Variants in RAB30 observed in about 807,000 individuals in gnomAD.
The protein encoded by RAB30 is RAB30, member RAS oncogene family, also known as ras-related protein Rab-30.
In RAB30, 9 loss-of-function variants were observed where a neutral mutation model predicts 25.1. The ratio of observed to expected loss-of-function variants is 0.36; its 90% CI spans 0.22 to 0.63. RAB30 has a LOEUF of 0.63. Ranked by LOEUF, RAB30 falls within the 20% of genes least tolerant of loss-of-function variation. The pLI, the probability that RAB30 is intolerant of heterozygous loss-of-function variation, is 0.69. For missense variants in RAB30, 140 were observed against 243.5 expected, an observed-to-expected ratio of 0.58 and a Z score of 2.83; for synonymous variants, 77 against 86.4, an observed-to-expected ratio of 0.89 and a Z score of 0.60.
chr11:83,031,360 T>C (rs915386096), intron 1 of RAB30, among the ~76,000 whole-genome samples: 9 of 152,212 alleles, frequency 5.9e-5, no homozygotes, highest in Non-Finnish European at 8.8e-5. Flanking sequence ...TCTGACAGAA[T>C]GTTCTACATT....
chr11:83,035,323 G>A (rs1079338), intron 1 of RAB30: 22,900 of 152,044 alleles, frequency 0.15, 1,822 homozygotes, highest in Middle Eastern at 0.23. Context: ...GCATATTCCA[G>A]ACTTGCCTTT....
At chr11:83,023,520 C>T (rs955727636) in intron 1 of RAB30, among the ~76,000 whole-genome samples, 2 of 152,184 alleles carry the variant, frequency 1.3e-5, no homozygotes, top group African/African-American at 4.8e-5. Flanking sequence ...ACTCGTGCTA[C>T]TGCCGTGGGT....
At position 82,979,780 on chromosome 11, in the gene RAB30, G is replaced by C. The variant is rs1255172714; in HGVS notation, c.*2385C>G. 2 of 152,206 alleles carry C rather than the reference G, an allele frequency of 1.3e-5. No homozygotes were observed. Among genetic ancestry groups the C allele is most frequent in the Non-Finnish European group, 2.9e-5 (2 of 68,070 alleles). 9.4% of individuals were successfully genotyped at this position (152,206 alleles called of 1,614,324 possible). Reference sequence around the variant, plus strand: ...CATTCTCATGTGTTCCTGCTGATGGGCTGTGGATGGGTAAGTTATGGAAAG... The same window carrying C: ...CATTCTCATGTGTTCCTGCTGATGGCCTGTGGATGGGTAAGTTATGGAAAG... On this transcript the variant is annotated 3_prime_UTR_variant, in exon 5 of 5. Coordinates refer to ENST00000527633, the MANE Select transcript of RAB30 (RefSeq NM_001286060.2).
At chr11:83,014,780 AAG>A (rs1034431612) in intron 1 of RAB30, among the ~76,000 whole-genome samples, 13 of 151,778 alleles carry the variant, frequency 8.6e-5, no homozygotes, top group African/African-American at 2.7e-4. Flanking sequence ...AAGAGAAAGA[AAG>A]AAAGAGAAGG....
At chr11:83,053,454 A>C (rs1858397136) in intron 1 of RAB30, among the ~76,000 whole-genome samples, 1 of 152,200 alleles carries the variant, frequency 6.6e-6, no homozygotes, top group Admixed American at 6.5e-5. Flanking sequence ...TTAGTAACTC[A>C]GCGGTACTTA....
intron 1 of RAB30, among the ~76,000 whole-genome samples, chr11:83,015,707 A>C (rs1017974222): frequency 1.3e-5 from 2 of 152,250 alleles, no homozygotes; most frequent in African/African-American, 4.8e-5. Flanking sequence ...GAACCTGGGC[A>C]TATCACCATT....
intron 1 of RAB30, among the ~76,000 whole-genome samples, chr11:83,058,534 C>T (rs932245578): frequency 6.6e-5 from 10 of 152,080 alleles, no homozygotes; most frequent in Non-Finnish European, 1.3e-4. Context: ...CAGATATTTC[C>T]TTAGCTATTT....
intron 1 of RAB30, among the ~76,000 whole-genome samples, chr11:83,051,523 G>A (rs1054951661): frequency 1.1e-4 from 16 of 152,032 alleles, no homozygotes; most frequent in Admixed American, 1.3e-4. Flanking sequence ...CATTTGAAGC[G>A]GCAAGAAGGT....
rs1856573613 is a variant in RAB30, at chr11:82,977,999, AAAAG to A, written c.*4162_*4165del. ...GCTCATGCCACAGAAATGAAATCCA[AAAAG>A]AAAGTAAAGAAAACATATCCCTCCC... On this transcript the variant is annotated 3_prime_UTR_variant, in exon 5 of 5. Coordinates refer to ENST00000527633, the MANE Select transcript of RAB30 (RefSeq NM_001286060.2). The A allele has an allele frequency of 1.3e-5, 2 of 152,210 alleles. No homozygotes were observed. The highest frequency in any genetic ancestry group is 4.1e-4 in the South Asian group (2 of 4,832). The allele number at this position is 152,210 out of a possible 1,614,324, so 9.4% of individuals were successfully genotyped here.
At chr11:83,022,536 C>T (rs1046834195) in intron 1 of RAB30, among the ~76,000 whole-genome samples, 13 of 152,094 alleles carry the variant, frequency 8.5e-5, no homozygotes, top group African/African-American at 3.1e-4. Context: ...CCATTAACTT[C>T]CAATAATGGA....
intron 1 of RAB30, among the ~76,000 whole-genome samples, chr11:83,007,480 C>T (rs1590848460): frequency 6.6e-6 from 1 of 152,144 alleles, no homozygotes; most frequent in East Asian, 1.9e-4. Flanking sequence ...CCTAGAAATA[C>T]AAAACGGATT....
rs1221318346 is a variant in RAB30 at position 82,981,897 on chromosome 11, C to CA, written c.*267dup. Reference sequence around the variant, plus strand: ...CGCTTTTACTTGCTTTTTAAAAAAACAAAAGCAACATGCTCTGCAGATCAT... The same window carrying CA: ...CGCTTTTACTTGCTTTTTAAAAAAACAAAAAGCAACATGCTCTGCAGATCAT... On this transcript the variant is annotated 3_prime_UTR_variant, in exon 5 of 5. Transcript: ENST00000527633. 1 of 440,402 alleles carries CA rather than the reference C, an allele frequency of 2.3e-6. No homozygotes were observed. The highest frequency in any genetic ancestry group is 4.1e-6 in the Non-Finnish European group (1 of 243,390). 27.3% of individuals were successfully genotyped at this position (440,402 alleles called of 1,614,324 possible).
At chr11:83,010,867 T>C (rs1044393581) in intron 1 of RAB30, among the ~76,000 whole-genome samples, 2 of 152,212 alleles carry the variant, frequency 1.3e-5, no homozygotes, top group African/African-American at 2.4e-5. Context: ...GAAAGTTCCA[T>C]ATAGAACATC....
intron 1 of RAB30, among the ~76,000 whole-genome samples, chr11:83,064,924 T>C (rs752376389): frequency 6.6e-6 from 1 of 152,142 alleles, no homozygotes; most frequent in Admixed American, 6.5e-5. Flanking sequence ...TAGGATTACA[T>C]GTTCCATTTG....
chr11:83,062,107 G>T (rs981156668), intron 1 of RAB30, among the ~76,000 whole-genome samples: 5 of 152,108 alleles, frequency 3.3e-5, no homozygotes, highest in Non-Finnish European at 7.3e-5. Context: ...AGAACAGGAA[G>T]CAGCTACAGA....
In RAB30 at chr11:82,975,210, A is replaced by G. The variant is rs1344097306; in HGVS notation, c.*6955T>C. On this transcript the variant is annotated 3_prime_UTR_variant, in exon 5 of 5. Coordinates refer to ENST00000527633, the MANE Select transcript of RAB30 (RefSeq NM_001286060.2). ...CATTCATTGTCAAATAACCTACAAG[A>G]AAGTTCCACTAGCATTCTGCAATTG... The G allele has an allele frequency of 6.6e-6, 1 of 152,216 alleles. No individual in the cohort carries two copies. Among genetic ancestry groups the G allele is most frequent in the Non-Finnish European group, 1.5e-5 (1 of 68,004 alleles). The allele number at this position is 152,216 out of a possible 1,614,324, so 9.4% of individuals were successfully genotyped here.
rs200489825 is a variant in RAB30 at position 83,019,331 on chromosome 11, G to GT, written c.-8-22008dup. 2.7e-3 allele frequency among the ~76,000 whole-genome samples: 408 copies of GT among 152,054 alleles called. 1 individual carries two copies. Among genetic ancestry groups the GT allele is most frequent in the African/African-American group, 4.4e-3 (182 of 41,504 alleles). Reference sequence around the variant, plus strand: ...ATGAGCCACCACACCAGGCCAAAAGGTTTTTTTTAAAAAATAACAACTATG... The same window carrying GT: ...ATGAGCCACCACACCAGGCCAAAAGGTTTTTTTTTAAAAAATAACAACTATG... On this transcript the variant is annotated intron_variant, in intron 1 of 4. Coordinates refer to ENST00000527633, the MANE Select transcript of RAB30 (RefSeq NM_001286060.2).
chr11:83,005,438 C>T (rs1857164723), intron 1 of RAB30, among the ~76,000 whole-genome samples: 1 of 152,200 alleles, frequency 6.6e-6, no homozygotes, highest in African/African-American at 2.4e-5. Flanking sequence ...TTAATATTCC[C>T]ATTATACAGA....
chr11:83,064,608 T>A (rs138954654), intron 1 of RAB30, among the ~76,000 whole-genome samples: 53 of 152,262 alleles, frequency 3.5e-4, no homozygotes, highest in African/African-American at 1.2e-3. Context: ...ACTTACAATG[T>A]CCCAAAAAGT....
Sources: allele counts gnomAD v4.1 joint callset (sites outside exome capture counted in the v4.1 genomes callset), GRCh38; gene constraint gnomAD v4.1.1; transcripts MANE v1.5; gene names NCBI Gene and HGNC (gene_info 2026-07-23, HGNC 2026-07-21).